The following MECOM variants were observed in gnomAD, a reference collection of about 807,000 sequenced individuals.
MECOM encodes the protein MDS1 and EVI1 complex locus, also known as histone-lysine N-methyltransferase MECOM.
A neutral mutation model predicts 116.3 loss-of-function variants in MECOM; 13 were observed. The observed-to-expected ratio is 0.11, with a 90% CI of 0.07 to 0.18. MECOM has a LOEUF of 0.18. Ranked by LOEUF, MECOM falls within the 10% of genes least tolerant of loss-of-function variation. MECOM has a pLI of 1.00. For synonymous variants in MECOM, 528 were observed against 535.2 expected, an observed-to-expected ratio of 0.99 and a Z score of 0.19; for missense variants, 1,299 against 1,509.0, an observed-to-expected ratio of 0.86 and a Z score of 2.31.
intron 9 of MECOM, among the ~76,000 whole-genome samples, chr3:169,109,412 T>C (rs897843874): frequency 3.6e-5 from 4 of 110,450 alleles, no homozygotes; most frequent in Admixed American, 3.4e-4. Flanking sequence ...TATGCATTCA[T>C]GTATCTTTTT....
At chr3:169,233,813 G>A (rs1254234132) in intron 2 of MECOM, among the ~76,000 whole-genome samples, 1 of 152,082 alleles carries the variant, frequency 6.6e-6, no homozygotes, top group Non-Finnish European at 1.5e-5. Context: ...AGAGCATGCT[G>A]CACCTAAATT....
chr3:169,294,976 C>T (rs1715319707), intron 2 of MECOM, among the ~76,000 whole-genome samples: 1 of 152,142 alleles, frequency 6.6e-6, no homozygotes, highest in Non-Finnish European at 1.5e-5. Context: ...CTCGGTCTTT[C>T]TTCCTGCTCT....
chr3:169,087,639 C>T (rs1012994108), intron 16 of MECOM, among the ~76,000 whole-genome samples: 23 of 151,932 alleles, frequency 1.5e-4, no homozygotes, highest in African/African-American at 5.3e-4. Flanking sequence ...AACCTTGATA[C>T]TCAAGTTATC....
At chr3:169,629,088 T>C (rs1771753980) in intron 1 of MECOM, among the ~76,000 whole-genome samples, 1 of 146,808 alleles carries the variant, frequency 6.8e-6, no homozygotes, top group African/African-American at 2.5e-5. Flanking sequence ...TCCCCTCCCC[T>C]CCCTCATCTC....
At chr3:169,217,011 C>G (rs1221330191) in intron 2 of MECOM, among the ~76,000 whole-genome samples, 2 of 152,070 alleles carry the variant, frequency 1.3e-5, no homozygotes, top group Admixed American at 1.3e-4. Context: ...GGTATGATAC[C>G]ATAGAGAACA....
intron 1 of MECOM, among the ~76,000 whole-genome samples, chr3:169,404,764 G>A (rs1027737161): frequency 6.6e-6 from 1 of 152,206 alleles, no homozygotes; most frequent in African/African-American, 2.4e-5. Flanking sequence ...GCACAAGTAT[G>A]ATGGATGATG....
At chr3:169,219,552 G>T (rs1378111188) in intron 2 of MECOM, among the ~76,000 whole-genome samples, 1 of 151,916 alleles carries the variant, frequency 6.6e-6, no homozygotes, top group Non-Finnish European at 1.5e-5. Flanking sequence ...ATCATTCCTA[G>T]GTTAGAAGGT....
intron 12 of MECOM, among the ~76,000 whole-genome samples, chr3:169,099,018 T>C (rs1383846982): frequency 1.3e-5 from 2 of 152,114 alleles, no homozygotes; most frequent in Non-Finnish European, 2.9e-5. Flanking sequence ...TAACATTCAA[T>C]TGATCTTCCC....
intron 1 of MECOM, among the ~76,000 whole-genome samples, chr3:169,594,720 C>T (rs1577037722): frequency 6.6e-6 from 1 of 151,676 alleles, no homozygotes; most frequent in African/African-American, 2.4e-5. Flanking sequence ...ACACAGCTGG[C>T]TTTCATAACA....
intron 2 of MECOM, among the ~76,000 whole-genome samples, chr3:169,272,579 G>A (rs529117175): frequency 3.2e-4 from 49 of 152,172 alleles, no homozygotes; most frequent in African/African-American, 1.1e-3. Flanking sequence ...TCTTTAAAAC[G>A]TTTTCTGACA....
At chr3:169,518,237 C>T (rs143342151) in intron 1 of MECOM, among the ~76,000 whole-genome samples, 1,748 of 149,512 alleles carry the variant, frequency 0.012, 28 homozygotes, top group African/African-American at 0.032. Flanking sequence ...CCAGCCTGGG[C>T]GACAGAGTGA....
At position 169,611,982 on chromosome 3, in the gene MECOM, T is replaced by C. The variant is rs1041631306; in HGVS notation, c.37+51354A>G. On this transcript the variant is annotated intron_variant, in intron 1 of 16. Coordinates refer to ENST00000651503, the MANE Select transcript of MECOM (RefSeq NM_004991.4). This position sits in a 1 kb window ranked among gnomAD's most constrained non-coding sequence, Gnocchi z 4.1. ...TGATGGGGAGCTGTCCCGTGCATTATAAAATATTGAGCAGTGTGTCCCTGG... is the reference window on the plus strand; with the variant it reads ...TGATGGGGAGCTGTCCCGTGCATTACAAAATATTGAGCAGTGTGTCCCTGG... Among the ~76,000 whole-genome samples, 1 of 152,176 alleles carries C rather than the reference T, an allele frequency of 6.6e-6. No individual in the cohort carries two copies. Among genetic ancestry groups the C allele is most frequent in the Non-Finnish European group, 1.5e-5 (1 of 68,038 alleles).
At chr3:169,164,237 A>G (rs1743241448) in intron 2 of MECOM, among the ~76,000 whole-genome samples, 2 of 152,148 alleles carry the variant, frequency 1.3e-5, no homozygotes, top group South Asian at 2.1e-4. Flanking sequence ...CATGACAGTG[A>G]ATGAGTTTCA....
chr3:169,533,779 T>C (rs980637719), intron 1 of MECOM, among the ~76,000 whole-genome samples: 1 of 152,044 alleles, frequency 6.6e-6, no homozygotes, highest in African/African-American at 2.4e-5. Flanking sequence ...CCAACCTGGA[T>C]AGGTTATTTA....
intron 10 of MECOM, 83 bp downstream of exon 10, chr3:169,107,843 T>C (rs1248245203): frequency 7.0e-6 from 8 of 1,145,528 alleles, no homozygotes; most frequent in South Asian, 1.4e-5. Flanking sequence ...GAATTATTTA[T>C]GTCTGTACAG....
intron 2 of MECOM, among the ~76,000 whole-genome samples, chr3:169,343,282 G>A (rs1392279516): frequency 6.6e-6 from 1 of 152,144 alleles, no homozygotes; most frequent in Non-Finnish European, 1.5e-5. Context: ...AGGGCTCGCA[G>A]AGGCAGGAGA....
intron 2 of MECOM, among the ~76,000 whole-genome samples, chr3:169,340,730 G>T (rs777165292): frequency 2.0e-5 from 3 of 152,194 alleles, no homozygotes; most frequent in Non-Finnish European, 2.9e-5. Context: ...ATTGTAAAGA[G>T]GTGTATTGTG....
chr3:169,304,611 G>A (rs556529459), intron 2 of MECOM, among the ~76,000 whole-genome samples: 1 of 152,294 alleles, frequency 6.6e-6, no homozygotes, highest in East Asian at 1.9e-4. Context: ...TAAAATGGCA[G>A]TCTAGCTAAA....
chr3:169,646,230 T>C (rs1200454848), intron 1 of MECOM, among the ~76,000 whole-genome samples: 1 of 148,814 alleles, frequency 6.7e-6, no homozygotes, highest in Non-Finnish European at 1.5e-5. Context: ...ACACCGCATG[T>C]TCTCACTCAT....
Sources: gnomAD v4.1 joint callset for allele counts (sites outside exome capture counted in the v4.1 genomes callset) on GRCh38, gnomAD v4.1.1 for gene constraint, Gnocchi (gnomAD v3.1) non-coding constraint, MANE v1.5 for transcripts, NCBI Gene and HGNC (gene_info 2026-07-23, HGNC 2026-07-21) for gene names.